Variants in SNAP91 observed in about 807,000 individuals in gnomAD.
The protein encoded by SNAP91 is synaptosome associated protein 91.
SNAP91 carries 27 observed loss-of-function variants against 100.3 expected under a neutral mutation model. The ratio of observed to expected loss-of-function variants is 0.27; its 90% CI spans 0.20 to 0.37. The LOEUF is 0.37. Ranked by LOEUF, SNAP91 falls within the 10% of genes least tolerant of loss-of-function variation. The pLI is 1.00. For synonymous variants in SNAP91, 404 were observed against 398.6 expected (o/e 1.01, Z -0.16); for missense variants, 986 against 1,123.7 (o/e 0.88, Z 1.75).
intron 7 of SNAP91, among the ~76,000 whole-genome samples, chr6:83,653,050 A>T (rs182815679): frequency 6.6e-6 from 1 of 152,210 alleles, no homozygotes; most frequent in Non-Finnish European, 1.5e-5. Flanking sequence ...TAGTTTGAAA[A>T]TTATATGCCT....
rs187792359 is a variant in SNAP91, at chr6:83,622,115, T to C, written c.807+1186A>G. Among the ~76,000 whole-genome samples, 229 of 152,216 alleles carry C rather than the reference T, an allele frequency of 1.5e-3. 2 individuals carry two copies. Among genetic ancestry groups the C allele is most frequent in the African/African-American group, 4.9e-3 (205 of 41,570 alleles). ...ATGATACCAATATCTTATTCAGGTA[T>C]GTGCCTCGTCAAAAAACACTGTTTT... On this transcript the variant is annotated intron_variant, in intron 9 of 29. Coordinates refer to ENST00000369694, the MANE Select transcript of SNAP91 (RefSeq NM_001242792.2).
chr6:83,575,242 T>C (rs960375855), intron 25 of SNAP91, 121 bp from the exon 26 acceptor site: 1 of 712,802 alleles, frequency 1.4e-6, no homozygotes, highest in Non-Finnish European at 2.4e-6. Context: ...TCAAGTGGTA[T>C]AGTAATAAGA....
At chr6:83,664,228 G>A (rs1447061824) in intron 3 of SNAP91, among the ~76,000 whole-genome samples, 1 of 152,128 alleles carries the variant, frequency 6.6e-6, no homozygotes, top group Non-Finnish European at 1.5e-5. Flanking sequence ...TCATTGTGCA[G>A]CCCATGGATC....
At chr6:83,642,917 G>T (rs748869236) in intron 7 of SNAP91, among the ~76,000 whole-genome samples, 1 of 152,198 alleles carries the variant, frequency 6.6e-6, no homozygotes, top group Admixed American at 6.5e-5. Context: ...TTGTGGTTTT[G>T]ATTTGCATTT....
chr6:83,561,145 C>A (rs2127843165), intron 26 of SNAP91, among the ~76,000 whole-genome samples, 198 bp from the exon 27 acceptor site: 1 of 152,304 alleles, frequency 6.6e-6, no homozygotes, highest in Non-Finnish European at 1.5e-5. Flanking sequence ...TGGACTCAAG[C>A]AATTCTCCCA....
chr6:83,673,979 A>G (rs1320907418), intron 2 of SNAP91, among the ~76,000 whole-genome samples: 1 of 152,242 alleles, frequency 6.6e-6, no homozygotes, highest in African/African-American at 2.4e-5. Flanking sequence ...GGCCATCTCA[A>G]CAGGAGGACA....
intron 6 of SNAP91, among the ~76,000 whole-genome samples, chr6:83,657,073 T>G (rs934135068): frequency 4.6e-5 from 7 of 152,208 alleles, no homozygotes; most frequent in African/African-American, 1.7e-4. Context: ...TCTTATCGAT[T>G]AAAAGACAGA....
intron 13 of SNAP91, among the ~76,000 whole-genome samples, chr6:83,607,357 G>GTGTGTA (rs2095691107): frequency 6.6e-6 from 1 of 151,878 alleles, no homozygotes; most frequent in Non-Finnish European, 1.5e-5. Flanking sequence ...GTGTGTGTGT[G>GTGTGTA]TGTGTGTGTT....
chr6:83,639,900 T>C (rs2097612214), intron 8 of SNAP91, among the ~76,000 whole-genome samples: 1 of 152,048 alleles, frequency 6.6e-6, no homozygotes, highest in African/African-American at 2.4e-5. Context: ...ATAATTACGG[T>C]TAAACCATGG....
intron 9 of SNAP91, among the ~76,000 whole-genome samples, chr6:83,619,115 A>C (rs978195265): frequency 1.4e-5 from 2 of 142,836 alleles, no homozygotes; most frequent in African/African-American, 5.2e-5. Flanking sequence ...AGAAGTCACA[A>C]AAAAAAAATC....
chr6:83,614,311 A>T (rs533125385), intron 11 of SNAP91, among the ~76,000 whole-genome samples: 1 of 152,176 alleles, frequency 6.6e-6, no homozygotes, highest in East Asian at 1.9e-4. Flanking sequence ...ATATAAAGGT[A>T]TATCACAGAG....
intron 26 of SNAP91, 124 bp from the exon 27 acceptor site, chr6:83,561,071 C>A: frequency 1.5e-6 from 1 of 668,230 alleles, no homozygotes; most frequent in South Asian, 2.2e-5. Context: ...AAGATGGGGT[C>A]TCACTGCATT....
intron 8 of SNAP91, among the ~76,000 whole-genome samples, chr6:83,633,684 T>G (rs1013421450): frequency 5.3e-5 from 8 of 152,046 alleles, no homozygotes; most frequent in Admixed American, 5.2e-4. Context: ...CAGGCCTCAC[T>G]CAGCTCCCAT....
chr6:83,575,491 C>G (rs1175459153), intron 25 of SNAP91: 1 of 261,828 alleles, frequency 3.8e-6, no homozygotes, highest in Non-Finnish European at 7.2e-6. Context: ...CTGATGATGG[C>G]ACTTTCTGGA....
chr6:83,619,843 T>C (rs1028653383), intron 9 of SNAP91, among the ~76,000 whole-genome samples: 1 of 152,180 alleles, frequency 6.6e-6, no homozygotes, highest in African/African-American at 2.4e-5. Flanking sequence ...AAAGCATCCA[T>C]CTACGATTTA....
intron 28 of SNAP91, 101 bp from the exon 29 acceptor site, chr6:83,556,346 A>AGGGAGAGG (rs1562070851): frequency 8.8e-6 from 1 of 113,404 alleles, no homozygotes; most frequent in East Asian, 9.3e-5. Flanking sequence ...AGAGGGGGAG[A>AGGGAGAGG]GAGAGAGAGA....
chr6:83,631,239 G>A (rs2097193766), intron 8 of SNAP91, among the ~76,000 whole-genome samples: 1 of 152,024 alleles, frequency 6.6e-6, no homozygotes, highest in Non-Finnish European at 1.5e-5. Flanking sequence ...TAAATTTATT[G>A]AGGGTCATTT....
chr6:83,632,928 G>A (rs1391092237), intron 8 of SNAP91, among the ~76,000 whole-genome samples: 1 of 152,206 alleles, frequency 6.6e-6, no homozygotes, highest in African/African-American at 2.4e-5. Flanking sequence ...TGGTGAGCTA[G>A]TGTGATTTTT....
intron 2 of SNAP91, among the ~76,000 whole-genome samples, chr6:83,671,667 TA>T (rs2098788907): frequency 6.6e-6 from 1 of 152,066 alleles, no homozygotes; most frequent in South Asian, 2.1e-4. Context: ...GAGATTTTCA[TA>T]AACAAGAGAA....
Sources: gnomAD v4.1 joint callset for allele counts (sites outside exome capture counted in the v4.1 genomes callset) on GRCh38, gnomAD v4.1.1 for gene constraint, MANE v1.5 for transcripts, NCBI Gene and HGNC (gene_info 2026-07-23, HGNC 2026-07-21) for gene names.